The following B4GALT6 variants were observed in gnomAD, a reference collection of about 807,000 sequenced individuals.
B4GALT6 encodes UDP-Gal:beta-GlcNAc beta-1,4-galactosyltransferase 6.
B4GALT6 carries 14 observed loss-of-function variants against 46.3 expected under a neutral mutation model. That is an observed-to-expected ratio of 0.30 (90% CI 0.20 to 0.47). The LOEUF (loss-of-function observed/expected upper bound fraction) is 0.47. Ranked by LOEUF, B4GALT6 falls within the 20% of genes least tolerant of loss-of-function variation. The probability of loss-of-function intolerance (pLI) is 0.99; values close to 1 mark genes in which losing one functional copy is unlikely to be tolerated. For missense variants in B4GALT6, 386 were observed against 480.1 expected (o/e 0.80, Z 1.83); for synonymous variants, 168 against 162.0 (o/e 1.04, Z -0.28).
chr18:31,635,600 G>A (rs977708752), intron 5 of B4GALT6, among the ~76,000 whole-genome samples: 1 of 152,124 alleles, frequency 6.6e-6, no homozygotes, highest in Non-Finnish European at 1.5e-5. Flanking sequence ...CAAAAAGGCA[G>A]ATTTAGAATA....
chr18:31,701,958 A>T, the B4GALT6 span, among the ~76,000 whole-genome samples: 1 of 152,180 alleles, frequency 6.6e-6, no homozygotes, highest in Non-Finnish European at 1.5e-5. Flanking sequence ...ATAATATTTT[A>T]AAAAGCACTT....
the B4GALT6 span, among the ~76,000 whole-genome samples, chr18:31,716,430 T>C: frequency 1.3e-5 from 2 of 152,208 alleles, no homozygotes; most frequent in Non-Finnish European, 2.9e-5. Flanking sequence ...TGAGATACTA[T>C]ACCTGTAATT....
the B4GALT6 span, among the ~76,000 whole-genome samples, chr18:31,711,110 G>T: frequency 1.3e-5 from 2 of 152,178 alleles, no homozygotes; most frequent in Non-Finnish European, 2.9e-5. Flanking sequence ...ACACAAAGGT[G>T]TCACTCTGTC....
chr18:31,633,503 G>A (rs1434540204), intron 5 of B4GALT6, among the ~76,000 whole-genome samples: 2 of 152,104 alleles, frequency 1.3e-5, no homozygotes, highest in African/African-American at 4.8e-5. Context: ...ACCTTCTTTC[G>A]GTTTCTAAAA....
intron 3 of B4GALT6, among the ~76,000 whole-genome samples, chr18:31,651,140 G>A (rs2074061643): frequency 1.3e-5 from 2 of 151,910 alleles, no homozygotes; most frequent in African/African-American, 4.8e-5. Flanking sequence ...ACCTTCACCC[G>A]ATCACAGCAC....
upstream of B4GALT6, among the ~76,000 whole-genome samples, chr18:31,688,825 G>A (rs1023677023): frequency 2.0e-5 from 3 of 152,226 alleles, no homozygotes; most frequent in African/African-American, 7.2e-5. Flanking sequence ...AGAAAGCCCA[G>A]ATGTTATCAG....
intron 3 of B4GALT6, among the ~76,000 whole-genome samples, chr18:31,656,520 A>T (rs1349421282): frequency 1.3e-5 from 2 of 151,972 alleles, no homozygotes; most frequent in Admixed American, 6.6e-5. Context: ...CTTCATAATT[A>T]AAAATATATA....
At chr18:31,656,119 A>G (rs1238675259) in intron 3 of B4GALT6, among the ~76,000 whole-genome samples, 1 of 152,190 alleles carries the variant, frequency 6.6e-6, no homozygotes, top group Non-Finnish European at 1.5e-5. Context: ...TGTACCCCCA[A>G]GACTGAAAGC....
the B4GALT6 span, among the ~76,000 whole-genome samples, chr18:31,715,983 T>C: frequency 6.6e-6 from 1 of 152,142 alleles, no homozygotes; most frequent in Non-Finnish European, 1.5e-5. Context: ...TATCCTTACC[T>C]TGTCAATGAG....
the B4GALT6 span, among the ~76,000 whole-genome samples, chr18:31,693,717 T>A: frequency 6.6e-6 from 1 of 152,162 alleles, no homozygotes; most frequent in Non-Finnish European, 1.5e-5. Context: ...CTTGTAATCC[T>A]AGCACTTTGG....
rs930036115 is a variant in B4GALT6 at position 31,625,191 on chromosome 18, C to T, written c.*423G>A. Reference sequence around the variant, plus strand: ...CAAATAAAAAATGTCTATAAAAGTCCAATAAAGGTATAACCGATTACATGC... The same window carrying T: ...CAAATAAAAAATGTCTATAAAAGTCTAATAAAGGTATAACCGATTACATGC... On this transcript the variant is annotated 3_prime_UTR_variant, in exon 9 of 9. Coordinates refer to ENST00000306851, the MANE Select transcript of B4GALT6 (RefSeq NM_004775.5). 4 of 154,800 alleles carry T rather than the reference C, an allele frequency of 2.6e-5. No homozygotes were observed. The highest frequency in any genetic ancestry group is 9.7e-5 in the African/African-American group (4 of 41,414). The allele number at this position is 154,800 out of a possible 1,614,324, so 9.6% of individuals were successfully genotyped here. A position where few individuals can be genotyped will look rare whatever the true frequency, so the allele number is the denominator to read the frequency against.
intron 5 of B4GALT6, among the ~76,000 whole-genome samples, chr18:31,635,049 T>C (rs928015905): frequency 6.6e-6 from 1 of 152,048 alleles, no homozygotes; most frequent in Non-Finnish European, 1.5e-5. Flanking sequence ...GAGACCATCC[T>C]GGCCAACCCT....
At chr18:31,712,808 A>G in the B4GALT6 span, among the ~76,000 whole-genome samples, 4 of 152,176 alleles carry the variant, frequency 2.6e-5, no homozygotes, top group Non-Finnish European at 5.9e-5. Flanking sequence ...TCCAATTCCA[A>G]ATTAAGAATG....
At chr18:31,679,597 G>A (rs2074456267) in intron 1 of B4GALT6, among the ~76,000 whole-genome samples, 1 of 152,132 alleles carries the variant, frequency 6.6e-6, no homozygotes, top group Non-Finnish European at 1.5e-5. Flanking sequence ...CCAGTTGAAG[G>A]AGTGAGTTTT....
At chr18:31,698,735 A>G in the B4GALT6 span, among the ~76,000 whole-genome samples, 1 of 152,110 alleles carries the variant, frequency 6.6e-6, no homozygotes, top group Non-Finnish European at 1.5e-5. Context: ...AAAGGAAAGC[A>G]TCTTAAGGGC....
At position 31,623,435 on chromosome 18, in the gene B4GALT6, A is replaced by C. The variant is rs1263164954; in HGVS notation, c.*2179T>G. ...TGAAACAAAAATTAACATCAGACTTAAGAAAATAAGGCAGATACTAGTAGT... is the reference window on the plus strand; with the variant it reads ...TGAAACAAAAATTAACATCAGACTTCAGAAAATAAGGCAGATACTAGTAGT... On this transcript the variant is annotated 3_prime_UTR_variant, in exon 9 of 9. Transcript: ENST00000306851. The C allele has an allele frequency of 6.6e-6, 1 of 152,502 alleles. No individual in the cohort carries two copies. Among genetic ancestry groups the C allele is most frequent in the Admixed American group, 6.5e-5 (1 of 15,268 alleles). The allele number at this position is 152,502 out of a possible 1,614,324, so 9.4% of individuals were successfully genotyped here.
chr18:31,640,750 C>T (rs977432985), intron 4 of B4GALT6, among the ~76,000 whole-genome samples: 2 of 152,180 alleles, frequency 1.3e-5, no homozygotes, highest in Admixed American at 6.5e-5. Context: ...TTCCTGCCCC[C>T]GCACAATGGC....
chr18:31,658,141 CTCCCTGGAATGAAATACG>C, intron 2 of B4GALT6, 52 bp from the exon 3 acceptor site: 1 of 1,318,790 alleles, frequency 7.6e-7, no homozygotes, highest in Non-Finnish European at 1.1e-6. Flanking sequence ...CTTTTGCTTT[CTCCCTGGAATGAAATACG>C]TCACTATCAC....
chr18:31,662,218 T>C (rs141040483), intron 2 of B4GALT6, among the ~76,000 whole-genome samples: 4 of 152,338 alleles, frequency 2.6e-5, no homozygotes, highest in African/African-American at 9.6e-5. Context: ...TTCACTTCAT[T>C]GAATACAAAG....
Sources: allele counts gnomAD v4.1 joint callset (sites outside exome capture counted in the v4.1 genomes callset), GRCh38; gene constraint gnomAD v4.1.1; transcripts MANE v1.5; gene names NCBI Gene and HGNC (gene_info 2026-07-23, HGNC 2026-07-21).